TYW1: variants seen among roughly 807,000 people sequenced by gnomAD.
The protein encoded by TYW1 is S-adenosyl-L-methionine-dependent tRNA 4-demethylwyosine synthase TYW1.
A neutral mutation model predicts 96.2 loss-of-function variants in TYW1; 46 were observed. The ratio of observed to expected loss-of-function variants is 0.48; its 90% CI spans 0.38 to 0.61. TYW1 has a LOEUF of 0.61. Ranked by LOEUF, TYW1 falls within the 20% of genes least tolerant of loss-of-function variation. The probability of loss-of-function intolerance (pLI) is 0.00; values close to 1 mark genes in which losing one functional copy is unlikely to be tolerated. For synonymous variants in TYW1, 274 were observed against 323.0 expected (o/e 0.85, Z 1.63); for missense variants, 684 against 909.6 (o/e 0.75, Z 3.19).
chr7:67,004,731 C>T (rs1793511521), intron 3 of TYW1, among the ~76,000 whole-genome samples: 1 of 151,980 alleles, frequency 6.6e-6, no homozygotes, highest in Non-Finnish European at 1.5e-5. Flanking sequence ...CTTAATTTGG[C>T]TGGATATGAA....
rs981833923 is a variant in TYW1, at chr7:67,094,058, C to T, written c.1385-4483C>T. Among the ~76,000 whole-genome samples, 6 of 152,134 alleles carry T rather than the reference C, an allele frequency of 3.9e-5. No individual in the cohort carries two copies. The East Asian group carries it at 1.2e-3, about 29-fold the overall frequency. ...ATTTCCATCTTTAGGTCCGTGTGTA[C>T]CCATTGGTTAGTTCCCACTTAAAAG... is the stretch of plus-strand genomic sequence containing the variant. On this transcript the variant is annotated intron_variant, in intron 11 of 15. Coordinates refer to ENST00000359626, the MANE Select transcript of TYW1 (RefSeq NM_018264.4).
intron 9 of TYW1, among the ~76,000 whole-genome samples, chr7:67,056,666 C>T (rs1795528468): frequency 6.6e-6 from 1 of 151,906 alleles, no homozygotes; most frequent in Non-Finnish European, 1.5e-5. Flanking sequence ...TATGAATATA[C>T]CAGTTTTTAA....
At chr7:66,998,000 A>T (rs1414233461) in intron 1 of TYW1, 65 bp from the exon 2 acceptor site, 3 of 1,493,292 alleles carry the variant, frequency 2.0e-6, no homozygotes, top group Admixed American at 5.0e-5. Flanking sequence ...TTCTTCTTAA[A>T]ATTGGGATGG....
intron 11 of TYW1, among the ~76,000 whole-genome samples, chr7:67,094,632 AAG>A (rs367982102): frequency 0.019 from 2,695 of 138,868 alleles, 72 homozygotes; most frequent in African/African-American, 0.066. Context: ...GTGTGGGAGG[AAG>A]AGAGAGAGAG....
At chr7:67,030,133 A>T (rs982346661) in intron 7 of TYW1, among the ~76,000 whole-genome samples, 2 of 152,202 alleles carry the variant, frequency 1.3e-5, no homozygotes, top group Admixed American at 6.5e-5. Context: ...GTATCCCATC[A>T]TGCAAGCAAG....
At chr7:67,200,202 T>A (rs1705337209) in intron 15 of TYW1, among the ~76,000 whole-genome samples, 1 of 152,140 alleles carries the variant, frequency 6.6e-6, no homozygotes, top group Admixed American at 6.6e-5. Context: ...TAATGTTTGT[T>A]GAATACCCAT....
chr7:67,096,279 A>G (rs1206355617), intron 11 of TYW1, among the ~76,000 whole-genome samples: 6 of 152,128 alleles, frequency 3.9e-5, no homozygotes, highest in Admixed American at 3.3e-4. Context: ...AGTCCCAGCT[A>G]CTCGGGAGGC....
chr7:67,225,412 G>C (rs1584718256), intron 15 of TYW1, among the ~76,000 whole-genome samples: 1 of 152,108 alleles, frequency 6.6e-6, no homozygotes, highest in African/African-American at 2.4e-5. Flanking sequence ...CATTAGCTCT[G>C]AGAGTCTGGC....
At chr7:67,180,425 A>ATATATATATATATATATATTATT (rs1563058168) in intron 13 of TYW1, among the ~76,000 whole-genome samples, 1 of 68,634 alleles carries the variant, frequency 1.5e-5, no homozygotes, top group Non-Finnish European at 2.9e-5. Context: ...TATATATATA[A>ATATATATATATATATATATTATT]TTTTTTTTTT....
intron 13 of TYW1, among the ~76,000 whole-genome samples, chr7:67,142,894 A>G (rs1798494805): frequency 6.6e-6 from 1 of 152,048 alleles, no homozygotes; most frequent in South Asian, 2.1e-4. Context: ...TCTACTAAAA[A>G]CACAAAAAAT....
rs1213466659 is a variant in TYW1, at chr7:67,195,335, A to C, written c.1975A>C (p.Lys659Gln). 10 of 1,613,316 alleles carry C rather than the reference A, an allele frequency of 6.2e-6. No homozygotes were observed. The highest frequency in any genetic ancestry group is 1.3e-5 in the African/African-American group (1 of 74,676). The change falls in exon 15 of 16, where the codon AAG (lysine) becomes CAG (glutamine). Residue 659 changes from lysine to glutamine, a missense_variant and splice_region_variant. Transcript: ENST00000359626. ...TAATTGCCTCCTGATAGCACACAGA[A>C]AGGTAAGAATAACTCAAACATGGAT... is the stretch of plus-strand genomic sequence containing the variant. ...HSNCLLIAHR[K>Q]FKIGGEWWTW...
chr7:67,124,463 T>A (rs1797859251), intron 13 of TYW1, among the ~76,000 whole-genome samples: 1 of 151,898 alleles, frequency 6.6e-6, no homozygotes, highest in African/African-American at 2.4e-5. Context: ...ATTCCTGGTT[T>A]CAAGTGATCC....
chr7:67,104,543 A>G (rs1209298496), intron 12 of TYW1, among the ~76,000 whole-genome samples: 1 of 152,016 alleles, frequency 6.6e-6, no homozygotes, highest in Non-Finnish European at 1.5e-5. Context: ...TGAATTCAAC[A>G]TGAGATTTGG....
At chr7:67,116,562 G>T (rs1797601156) in intron 12 of TYW1, among the ~76,000 whole-genome samples, 1 of 151,980 alleles carries the variant, frequency 6.6e-6, no homozygotes, top group Non-Finnish European at 1.5e-5. Context: ...GGTGGCACAT[G>T]CATGTGGTCC....
chr7:67,075,550 G>T (rs971271162), intron 10 of TYW1, among the ~76,000 whole-genome samples: 1 of 152,196 alleles, frequency 6.6e-6, no homozygotes, highest in African/African-American at 2.4e-5. Flanking sequence ...ATAAAAAGAG[G>T]TTAAGTACTG....
At position 67,163,817 on chromosome 7, in the gene TYW1, C is replaced by T. The variant is rs1269147381; in HGVS notation, c.1699-19309C>T. ...CTGAGTAGCTGAGTTTACAGGCATG[C>T]GCTACCACGTCCAGCTAATTTTTGT... On this transcript the variant is annotated intron_variant, in intron 13 of 15. Transcript: ENST00000359626. Among the ~76,000 whole-genome samples the T allele has an allele frequency of 6.6e-5, 10 of 151,960 alleles. No individual in the cohort carries two copies. In the South Asian group the frequency reaches 1.5e-3, roughly 22 times the overall value.
At chr7:67,171,984 A>C (rs1298785877) in intron 13 of TYW1, among the ~76,000 whole-genome samples, 1 of 152,130 alleles carries the variant, frequency 6.6e-6, no homozygotes, top group Non-Finnish European at 1.5e-5. Context: ...ACTTTTTAAT[A>C]ACATGTAATT....
At chr7:67,186,430 C>G (rs980928339) in intron 14 of TYW1, among the ~76,000 whole-genome samples, 17 of 152,112 alleles carry the variant, frequency 1.1e-4, no homozygotes, top group African/African-American at 4.1e-4. Flanking sequence ...ATTTGGTTCA[C>G]CAAACTATGA....
intron 15 of TYW1, among the ~76,000 whole-genome samples, chr7:67,219,710 A>T (rs977416663): frequency 1.9e-4 from 29 of 150,970 alleles, no homozygotes; most frequent in South Asian, 6.3e-4. Context: ...TTTTTTTTTT[A>T]AATGCAGAAT....
Sources: allele counts gnomAD v4.1 joint callset (sites outside exome capture counted in the v4.1 genomes callset), GRCh38; gene constraint gnomAD v4.1.1; transcripts MANE v1.5; gene names NCBI Gene and HGNC (gene_info 2026-07-23, HGNC 2026-07-21).